Variants in BCKDHB observed in about 807,000 individuals in gnomAD.
The protein encoded by BCKDHB is branched chain keto acid dehydrogenase E1 subunit beta.
Under a neutral mutation model 48.5 loss-of-function variants are expected in BCKDHB, and 41 were observed. That is an observed-to-expected ratio of 0.85 (90% CI 0.66 to 1.10). The LOEUF (loss-of-function observed/expected upper bound fraction) is 1.10, where lower values mean the gene tolerates loss of function less well. BCKDHB is among the 50% of genes least tolerant of loss of function. The probability of loss-of-function intolerance (pLI) is 0.00; values close to 1 mark genes in which losing one functional copy is unlikely to be tolerated. For synonymous variants in BCKDHB, 201 were observed against 174.8 expected, an observed-to-expected ratio of 1.15 and a Z score of -1.18; for missense variants, 496 against 494.2, an observed-to-expected ratio of 1.00 and a Z score of -0.03.
Position 80,162,723 on chromosome 6 carries a change from C to T in BCKDHB, c.344-4955C>T, listed in dbSNP as rs374453113. ...AAAATTAGCTGGGCGTGGTCGTGGG[C>T]GCCTGTAATCCCAGCTACTCGGGAG... is the stretch of plus-strand genomic sequence containing the variant. On this transcript the variant is annotated intron_variant, in intron 3 of 9. Transcript: ENST00000320393. Among the ~76,000 whole-genome samples, 278 of 152,042 alleles carry T rather than the reference C, an allele frequency of 1.8e-3. 1 individual carries two copies. The highest frequency in any genetic ancestry group is 6.1e-3 in the African/African-American group (253 of 41,506).
At chr6:80,365,139 C>A in the BCKDHB span, among the ~76,000 whole-genome samples, 2 of 152,086 alleles carry the variant, frequency 1.3e-5, no homozygotes, top group African/African-American at 4.8e-5. Context: ...GGACAAAAGG[C>A]AAAAGCAGAA....
intron 1 of BCKDHB, among the ~76,000 whole-genome samples, chr6:80,113,183 A>G (rs1252254304): frequency 6.6e-6 from 1 of 152,256 alleles, no homozygotes; most frequent in Non-Finnish European, 1.5e-5. Flanking sequence ...ACCCTGGATG[A>G]GCTGCCATGG....
chr6:80,326,026 A>T (rs528445592), intron 9 of BCKDHB, among the ~76,000 whole-genome samples: 1 of 152,056 alleles, frequency 6.6e-6, no homozygotes, highest in Non-Finnish European at 1.5e-5. Context: ...ATCTCAATAC[A>T]GGTTGGGCTT....
At chr6:80,322,580 C>T (rs967258247) in intron 9 of BCKDHB, among the ~76,000 whole-genome samples, 2 of 152,052 alleles carry the variant, frequency 1.3e-5, no homozygotes, top group African/African-American at 4.8e-5. Context: ...TTGGGATCCC[C>T]TTAACCATCT....
the BCKDHB span, among the ~76,000 whole-genome samples, chr6:80,412,995 C>G: frequency 5.3e-5 from 8 of 152,214 alleles, no homozygotes; most frequent in South Asian, 1.0e-3. Context: ...CCTCTTTATT[C>G]TCAACCTATT....
the BCKDHB span, among the ~76,000 whole-genome samples, chr6:80,441,506 A>G: frequency 3.3e-5 from 5 of 152,200 alleles, no homozygotes; most frequent in African/African-American, 1.2e-4. Context: ...TAATAAAAAT[A>G]ATTTAGTAAT....
At position 80,320,437 on chromosome 6, in the gene BCKDHB, G is replaced by T. The variant is rs575634278; in HGVS notation, c.1039-23227G>T. 2.0e-5 allele frequency among the ~76,000 whole-genome samples: 3 copies of T among 152,072 alleles called. No homozygotes were observed. In the East Asian group the frequency reaches 5.8e-4, roughly 29 times the overall value. ...TCTTTTTTCATACATCTTGATAATT[G>T]TAGTGTTTTTCATGTTTGCTTCTAT... is the stretch of plus-strand genomic sequence containing the variant. On this transcript the variant is annotated intron_variant, in intron 9 of 9. Coordinates refer to ENST00000320393, the MANE Select transcript of BCKDHB (RefSeq NM_183050.4).
chr6:80,221,469 A>T (rs1582387232), intron 8 of BCKDHB, among the ~76,000 whole-genome samples: 1 of 152,284 alleles, frequency 6.6e-6, no homozygotes, highest in Non-Finnish European at 1.5e-5. Context: ...AATAGGCAGC[A>T]TAATTTGTGT....
In BCKDHB at chr6:80,252,114, G is replaced by A. The variant is rs199571846; in HGVS notation, c.952-21021G>A. On this transcript the variant is annotated intron_variant, in intron 8 of 9. Transcript: ENST00000320393. The stretch of plus-strand genomic sequence containing the variant: ...TTATTACTTCATCATTTTTATAGGC[G>A]AAGAAGCTGTCTCAGACAGGTTAAG... Among the ~76,000 whole-genome samples the A allele has an allele frequency of 5.0e-4, 76 of 152,232 alleles. No individual in the cohort carries two copies. The East Asian group carries it at 0.013, about 25-fold the overall frequency.
intron 6 of BCKDHB, among the ~76,000 whole-genome samples, chr6:80,178,014 T>G (rs1159975967): frequency 1.3e-5 from 2 of 152,216 alleles, no homozygotes; most frequent in African/African-American, 2.4e-5. Context: ...GTTTCTTCTT[T>G]TCCTTGTAGA....
chr6:80,319,003 CT>C (rs1483584920), intron 9 of BCKDHB, among the ~76,000 whole-genome samples: 1 of 152,108 alleles, frequency 6.6e-6, no homozygotes, highest in Non-Finnish European at 1.5e-5. Context: ...TGTTAGTTAT[CT>C]GTTATAATGG....
intron 8 of BCKDHB, among the ~76,000 whole-genome samples, chr6:80,220,304 G>GTTTTTTTTTTTTTTTTTTTTTTTTT (rs56967096): frequency 4.9e-5 from 3 of 60,864 alleles, no homozygotes; most frequent in East Asian, 5.8e-4. Flanking sequence ...CATGCTATTT[G>GTTTTTTTTTTTTTTTTTTTTTTTTT]TTTTTTTTTT....
the BCKDHB span, among the ~76,000 whole-genome samples, chr6:80,446,410 T>C: frequency 6.6e-6 from 1 of 152,198 alleles, no homozygotes; most frequent in Non-Finnish European, 1.5e-5. Flanking sequence ...ACATTTTACA[T>C]GGTTTCACGT....
chr6:80,391,814 A>G, the BCKDHB span, among the ~76,000 whole-genome samples: 1 of 152,160 alleles, frequency 6.6e-6, no homozygotes, highest in Admixed American at 6.5e-5. Context: ...TATTCCTTAA[A>G]TATTCTCTGC....
chr6:80,186,522 C>T (rs1419744750), intron 6 of BCKDHB, among the ~76,000 whole-genome samples: 1 of 152,238 alleles, frequency 6.6e-6, no homozygotes, highest in Non-Finnish European at 1.5e-5. Context: ...GCTCTCAGGC[C>T]TTGCCCTTTT....
chr6:80,281,149 A>T (rs564743921), intron 9 of BCKDHB, among the ~76,000 whole-genome samples: 12 of 151,974 alleles, frequency 7.9e-5, no homozygotes, highest in Non-Finnish European at 1.6e-4. Context: ...ATGGGTAAGG[A>T]TTCATTCTCT....
At chr6:80,289,238 G>T (rs7742286) in intron 9 of BCKDHB, among the ~76,000 whole-genome samples, 121,403 of 152,080 alleles carry the variant, frequency 0.8, 48,636 homozygotes, top group Admixed American at 0.87. Context: ...AATCTAAAAT[G>T]CGAGCTAAAA....
chr6:80,206,365 T>A (rs1454056969), intron 8 of BCKDHB, among the ~76,000 whole-genome samples: 2 of 152,122 alleles, frequency 1.3e-5, no homozygotes, highest in South Asian at 2.1e-4. Flanking sequence ...ACTAAGTAGA[T>A]GAAGAGACAG....
chr6:80,153,733 A>G (rs1238297312), intron 3 of BCKDHB, among the ~76,000 whole-genome samples: 1 of 151,938 alleles, frequency 6.6e-6, no homozygotes, highest in African/African-American at 2.4e-5. Flanking sequence ...GCTTTATCTT[A>G]TTTGATCCTC....
Sources: allele counts gnomAD v4.1 joint callset (sites outside exome capture counted in the v4.1 genomes callset), GRCh38; gene constraint gnomAD v4.1.1; transcripts MANE v1.5; gene names NCBI Gene and HGNC (gene_info 2026-07-23, HGNC 2026-07-21).